Variants in PRELID2 observed in about 807,000 individuals in gnomAD.
The protein encoded by PRELID2 is PRELI domain containing 2.
A neutral mutation model predicts 28.4 loss-of-function variants in PRELID2; 25 were observed. That is an observed-to-expected ratio of 0.88 (90% CI 0.64 to 1.23). PRELID2 has a LOEUF of 1.23. Among genes scored for constraint, PRELID2 ranks in the 50% most tolerant of loss-of-function variants. PRELID2 has a pLI of 0.00. For synonymous variants in PRELID2, 76 were observed against 71.6 expected (o/e 1.06, Z -0.31); for missense variants, 201 against 214.4 (o/e 0.94, Z 0.39).
At chr5:145,495,569 A>C (rs1466964515) in intron 1 of PRELID2, among the ~76,000 whole-genome samples, 1 of 152,140 alleles carries the variant, frequency 6.6e-6, no homozygotes, top group Non-Finnish European at 1.5e-5. Flanking sequence ...CAGAATTTAA[A>C]AATGTTTCAT....
intron 1 of PRELID2, among the ~76,000 whole-genome samples, chr5:145,638,958 C>G (rs1474896364): frequency 1.3e-5 from 2 of 152,162 alleles, no homozygotes; most frequent in African/African-American, 4.8e-5. Flanking sequence ...TGTGGGCCAG[C>G]TAGAGTAAAA....
In PRELID2 at chr5:145,616,444, G is replaced by A. The variant is rs993357770; in HGVS notation, n.71-143129C>T. On this transcript the variant is annotated intron_variant and non_coding_transcript_variant, in intron 1 of 2. Coordinates refer to the PRELID2 transcript ENST00000510259. ...GCGAAATTCACCCCCGATATTTCAC[G>A]TAGGTTCTTTTCTATACTCCCTAAG... 5.9e-5 allele frequency among the ~76,000 whole-genome samples: 9 copies of A among 152,278 alleles called. No homozygotes were observed. In the East Asian group the frequency reaches 9.7e-4, roughly 16 times the overall value.
At chr5:145,720,561 A>G (rs1411066766) in intron 1 of PRELID2, among the ~76,000 whole-genome samples, 1 of 152,082 alleles carries the variant, frequency 6.6e-6, no homozygotes, top group Non-Finnish European at 1.5e-5. Context: ...CTAGTTTTAC[A>G]TATGTAAAAA....
chr5:145,383,222 C>G, the PRELID2 span, among the ~76,000 whole-genome samples: 1 of 151,476 alleles, frequency 6.6e-6, no homozygotes, highest in African/African-American at 2.4e-5. Context: ...ATATCTTACA[C>G]TCAAATATAT....
At chr5:145,395,064 T>C in the PRELID2 span, among the ~76,000 whole-genome samples, 1 of 152,172 alleles carries the variant, frequency 6.6e-6, no homozygotes, top group African/African-American at 2.4e-5. Context: ...ACTATGCTGC[T>C]AATAGTAAAT....
the PRELID2 span, among the ~76,000 whole-genome samples, chr5:145,352,831 G>A: frequency 6.6e-6 from 1 of 152,040 alleles, no homozygotes; most frequent in Non-Finnish European, 1.5e-5. Flanking sequence ...TAGTGAAGGG[G>A]CAAAATTCTA....
intron 1 of PRELID2, among the ~76,000 whole-genome samples, chr5:145,691,653 G>A (rs1309530982): frequency 6.6e-6 from 1 of 152,214 alleles, no homozygotes; most frequent in African/African-American, 2.4e-5. Flanking sequence ...GGGAGGCGAA[G>A]CTTGCAGTAA....
chr5:145,731,590 C>A (rs867239183), intron 1 of PRELID2, among the ~76,000 whole-genome samples: 2 of 152,202 alleles, frequency 1.3e-5, no homozygotes, highest in African/African-American at 2.4e-5. Context: ...TACAACATGG[C>A]AGGTCATTTC....
chr5:145,732,087 T>C (rs1215004294), intron 1 of PRELID2, among the ~76,000 whole-genome samples: 2 of 152,176 alleles, frequency 1.3e-5, no homozygotes, highest in Admixed American at 1.3e-4. Flanking sequence ...GTGCTCGAAA[T>C]CTGAAGTGTT....
chr5:145,361,427 CT>C, the PRELID2 span, among the ~76,000 whole-genome samples: 2 of 152,324 alleles, frequency 1.3e-5, no homozygotes, highest in East Asian at 1.9e-4. Context: ...TCTATGGTAT[CT>C]TCTGCTGACT....
At chr5:145,697,638 A>G (rs528900947) in intron 1 of PRELID2, among the ~76,000 whole-genome samples, 2 of 152,172 alleles carry the variant, frequency 1.3e-5, no homozygotes, top group Admixed American at 6.6e-5. Flanking sequence ...CATTACAGAA[A>G]AAGTTTCCTG....
At chr5:145,283,668 G>A in the PRELID2 span, among the ~76,000 whole-genome samples, 35,795 of 152,066 alleles carry the variant, frequency 0.24, 5,203 homozygotes, top group Non-Finnish European at 0.31. Context: ...TTGCCAAAGC[G>A]AGAGGATCTT....
the PRELID2 span, among the ~76,000 whole-genome samples, chr5:145,320,428 G>A: frequency 3.3e-5 from 5 of 152,148 alleles, no homozygotes; most frequent in African/African-American, 1.2e-4. Flanking sequence ...CCGCCACTAC[G>A]CCCGGCTAAT....
chr5:145,357,404 A>C, the PRELID2 span, among the ~76,000 whole-genome samples: 691 of 152,118 alleles, frequency 4.5e-3, 5 homozygotes, highest in Middle Eastern at 0.01. Flanking sequence ...TCTTTACATA[A>C]TCCCATATTT....
rs1471911519 is a variant in PRELID2 at position 145,518,966 on chromosome 5, G to C, written n.71-45651C>G. Among the ~76,000 whole-genome samples, 3 of 152,310 alleles carry C rather than the reference G, an allele frequency of 2.0e-5. No individual in the cohort carries two copies. The East Asian group carries it at 5.8e-4, about 29-fold the overall frequency. The stretch of plus-strand genomic sequence containing the variant: ...TATTTCCCTGATCCACAGTGTTCCT[G>C]AATGTTCCATTTTTGTATCCCATAA... On this transcript the variant is annotated intron_variant and non_coding_transcript_variant, in intron 1 of 2. Coordinates refer to the PRELID2 transcript ENST00000510259.
the PRELID2 span, among the ~76,000 whole-genome samples, chr5:145,260,693 A>G: frequency 2.6e-5 from 4 of 152,234 alleles, no homozygotes; most frequent in African/African-American, 9.6e-5. Flanking sequence ...AATGGTAGAT[A>G]GGAGGCAGGA....
At chr5:145,765,143 A>T (rs377629374) in intron 5 of PRELID2, 143 bp from the exon 6 acceptor site, 180 of 592,268 alleles carry the variant, frequency 3.0e-4, no homozygotes, top group African/African-American at 3.0e-3. Flanking sequence ...CATACCTGAC[A>T]TTTTTTTAAT....
intron 1 of PRELID2, among the ~76,000 whole-genome samples, chr5:145,722,211 G>T (rs960287754): frequency 6.6e-6 from 1 of 152,112 alleles, no homozygotes; most frequent in Non-Finnish European, 1.5e-5. Flanking sequence ...AAGTCACAAG[G>T]AGAAGAAATA....
intron 1 of PRELID2, among the ~76,000 whole-genome samples, chr5:145,481,623 C>CAAAAAAAAAAAAAAAAAA (rs70998021): frequency 3.8e-3 from 157 of 41,862 alleles, no homozygotes; most frequent in South Asian, 7.1e-3. Context: ...GCAAGGAAAT[C>CAAAAAAAAAAAAAAAAAA]AAAAAAAAAA....
Sources: allele counts gnomAD v4.1 joint callset (sites outside exome capture counted in the v4.1 genomes callset), GRCh38; gene constraint gnomAD v4.1.1; transcripts MANE v1.5; gene names NCBI Gene and HGNC (gene_info 2026-07-23, HGNC 2026-07-21).